The following BMPER variants were observed in gnomAD, a reference collection of about 807,000 sequenced individuals.
The protein encoded by BMPER is BMP binding endothelial regulator.
BMPER carries 45 observed loss-of-function variants against 87.3 expected under a neutral mutation model. That is an observed-to-expected ratio of 0.52 (90% CI 0.41 to 0.66). BMPER has a LOEUF of 0.66. Among genes scored for constraint, BMPER ranks in the 30% least tolerant of loss-of-function variants. The pLI is 0.00. For missense variants in BMPER, 784 were observed against 867.5 expected (o/e 0.90, Z 1.21); for synonymous variants, 326 against 316.2 (o/e 1.03, Z -0.33).
intron 6 of BMPER, among the ~76,000 whole-genome samples, chr7:33,976,336 A>C (rs1785687288): frequency 6.6e-6 from 1 of 151,858 alleles, no homozygotes; most frequent in African/African-American, 2.4e-5. Flanking sequence ...TATTTTTAGT[A>C]GAAATGGGGT....
intron 13 of BMPER, among the ~76,000 whole-genome samples, chr7:34,138,029 C>T (rs531272696): frequency 1.3e-3 from 194 of 152,328 alleles, no homozygotes; most frequent in Non-Finnish European, 2.2e-3. Context: ...TGGTAGTGTT[C>T]TCAATCCACT....
intron 11 of BMPER, among the ~76,000 whole-genome samples, chr7:34,062,781 C>T (rs1346727450): frequency 6.6e-6 from 1 of 152,144 alleles, no homozygotes; most frequent in Non-Finnish European, 1.5e-5. Context: ...AATTGTAATA[C>T]ATGGTATTTG....
intron 11 of BMPER, among the ~76,000 whole-genome samples, chr7:34,073,363 A>G (rs1029621989): frequency 1.3e-5 from 2 of 152,256 alleles, no homozygotes; most frequent in East Asian, 1.9e-4. Flanking sequence ...CTACTAGGCT[A>G]CAAACCTGTA....
chr7:34,112,409 C>T (rs1011518633), intron 13 of BMPER, among the ~76,000 whole-genome samples: 20 of 141,294 alleles, frequency 1.4e-4, no homozygotes, highest in South Asian at 1.1e-3. Context: ...GGCAGGAGAA[C>T]GGCGTGAACC....
rs570497689 is a variant in BMPER at position 34,070,372 on chromosome 7, T to G, written c.1078+8325T>G. 1.7e-4 allele frequency among the ~76,000 whole-genome samples: 26 copies of G among 152,326 alleles called. No homozygotes were observed. The East Asian group carries it at 2.5e-3, about 15-fold the overall frequency. ...AATGTTATTTCTCATACTTTTGGCA[T>G]TTCTCCCCCATGTTGCTAATCAATC... is the stretch of plus-strand genomic sequence containing the variant. On this transcript the variant is annotated intron_variant, in intron 11 of 14. Coordinates refer to ENST00000649409, the MANE Select transcript of BMPER (RefSeq NM_001365308.1).
At chr7:34,135,695 A>G (rs1226411072) in intron 13 of BMPER, among the ~76,000 whole-genome samples, 1 of 152,050 alleles carries the variant, frequency 6.6e-6, no homozygotes, top group Non-Finnish European at 1.5e-5. Flanking sequence ...CCTTTTTCTC[A>G]TTCATAATAG....
intron 13 of BMPER, among the ~76,000 whole-genome samples, chr7:34,118,926 A>C (rs1035306876): frequency 2.0e-5 from 3 of 151,660 alleles, no homozygotes; most frequent in African/African-American, 7.3e-5. Context: ...TACTCTACAG[A>C]TTTTGGATTT....
chr7:34,089,572 C>A (rs59457589), intron 13 of BMPER, among the ~76,000 whole-genome samples: 15,491 of 152,072 alleles, frequency 0.1, 1,705 homozygotes, highest in African/African-American at 0.28. Flanking sequence ...CAACCTCTGC[C>A]CCACAGGTTC....
At chr7:33,965,886 C>T (rs1161285263) in intron 3 of BMPER, among the ~76,000 whole-genome samples, 1 of 152,044 alleles carries the variant, frequency 6.6e-6, no homozygotes, top group East Asian at 1.9e-4. Flanking sequence ...TGGGTAGTTT[C>T]AGATTCGCTT....
chr7:34,004,812 ATCCT>A (rs1786682432), intron 6 of BMPER, among the ~76,000 whole-genome samples: 1 of 152,108 alleles, frequency 6.6e-6, no homozygotes, highest in Non-Finnish European at 1.5e-5. Context: ...AACCCTGCTT[ATCCT>A]TCACTTTCGG....
intron 13 of BMPER, among the ~76,000 whole-genome samples, chr7:34,125,042 T>A (rs1209074293): frequency 2.0e-5 from 3 of 152,248 alleles, no homozygotes; most frequent in Non-Finnish European, 1.5e-5. Flanking sequence ...ATTCTTCTAA[T>A]ATACGGTTGA....
chr7:34,137,859 C>T (rs1032053058), intron 13 of BMPER, among the ~76,000 whole-genome samples: 3 of 152,126 alleles, frequency 2.0e-5, no homozygotes, highest in South Asian at 2.1e-4. Flanking sequence ...GAATTTGATG[C>T]CAAGAACTTT....
intron 3 of BMPER, among the ~76,000 whole-genome samples, chr7:33,958,179 G>C (rs1785190669): frequency 6.6e-6 from 1 of 152,154 alleles, no homozygotes; most frequent in African/African-American, 2.4e-5. Context: ...AAAAATCCTT[G>C]CTGCAACTTT....
chr7:33,921,164 T>G (rs1784221169), intron 2 of BMPER, among the ~76,000 whole-genome samples: 1 of 152,240 alleles, frequency 6.6e-6, no homozygotes, highest in Non-Finnish European at 1.5e-5. Context: ...TCTACTGGAC[T>G]TGAAGCTTCT....
chr7:34,085,878 G>A lies in BMPER; in HGVS notation c.1531G>A (p.Gly511Arg). The A allele has an allele frequency of 6.2e-7, 1 of 1,614,154 alleles. No homozygotes were observed. The highest frequency in any genetic ancestry group is 8.5e-7 in the Non-Finnish European group (1 of 1,180,036). The change falls in exon 13 of 15, where the codon GGA becomes AGA. Residue 511 changes from glycine to arginine, a missense_variant. Transcript: ENST00000649409. ...NGHKRDDLIG[G>R]DGNFKFDVDD... ...ACATAAACGTGATGACTTAATTGGT[G>A]GAGATGGAAACTTCAAGTTTGATGT...
intron 2 of BMPER, chr7:33,921,958 C>G: frequency 2.4e-6 from 1 of 416,022 alleles, no homozygotes; most frequent in Admixed American, 2.6e-5. Context: ...CTGCAAGAAG[C>G]TATTTCCTTC....
intron 13 of BMPER, among the ~76,000 whole-genome samples, chr7:34,091,147 C>T (rs1789369453): frequency 6.6e-6 from 1 of 152,134 alleles, no homozygotes; most frequent in African/African-American, 2.4e-5. Context: ...GGGAAGATCA[C>T]AAACTTCCTG....
At chr7:33,999,228 C>A (rs75348566) in intron 6 of BMPER, among the ~76,000 whole-genome samples, 4,697 of 152,314 alleles carry the variant, frequency 0.031, 100 homozygotes, top group Non-Finnish European at 0.047. Context: ...TGCCTGGGCA[C>A]TGAGGACACC....
chr7:34,018,063 T>C (rs995622095), intron 6 of BMPER, among the ~76,000 whole-genome samples: 7 of 151,826 alleles, frequency 4.6e-5, no homozygotes, highest in Non-Finnish European at 8.8e-5. Context: ...CCACTACTTA[T>C]CCTGTCAGTG....
Sources: allele counts gnomAD v4.1 joint callset (sites outside exome capture counted in the v4.1 genomes callset), GRCh38; gene constraint gnomAD v4.1.1; transcripts MANE v1.5; gene names NCBI Gene and HGNC (gene_info 2026-07-23, HGNC 2026-07-21).